RAD51B: variants seen among roughly 807,000 people sequenced by gnomAD.
The protein encoded by RAD51B is RAD51 paralog B, also known as DNA repair protein RAD51 homolog 2.
In RAD51B, 38 loss-of-function variants were observed where a neutral mutation model predicts 42.2. The ratio of observed to expected loss-of-function variants is 0.90; its 90% CI spans 0.70 to 1.18. The LOEUF is 1.18. Ranked by LOEUF, RAD51B falls within the 50% of genes most tolerant of loss-of-function variation. RAD51B has a pLI of 0.00. For missense variants in RAD51B, 373 were observed against 400.7 expected (o/e 0.93, Z 0.59); for synonymous variants, 154 against 145.2 (o/e 1.06, Z -0.43).
In RAD51B at chr14:68,678,061, G is replaced by T. The variant is rs572658257; in HGVS notation, c.*11+27205G>T. 2.0e-5 allele frequency among the ~76,000 whole-genome samples: 3 copies of T among 152,242 alleles called. No homozygotes were observed. In the South Asian group the frequency reaches 6.2e-4, roughly 32 times the overall value. On this transcript the variant is annotated intron_variant, in intron 11 of 11. Transcript: ENST00000488612. ...ACCTGCACTACAACTTTAAGAGGTG[G>T]ATATTTTTATCCACATTTTACAGAT...
intron 10 of RAD51B, among the ~76,000 whole-genome samples, chr14:68,474,407 G>C (rs78295584): frequency 0.02 from 3,015 of 152,250 alleles, 98 homozygotes; most frequent in African/African-American, 0.069. Flanking sequence ...ACTCTAGCCT[G>C]AGTGACAGAG....
chr14:67,938,879 T>C (rs760530739), intron 7 of RAD51B, among the ~76,000 whole-genome samples: 8 of 152,228 alleles, frequency 5.3e-5, no homozygotes, highest in Admixed American at 2.0e-4. Context: ...TAGTGACTTA[T>C]ACTGATTTGC....
chr14:68,182,790 G>A (rs1366533144), intron 7 of RAD51B, among the ~76,000 whole-genome samples: 5 of 152,118 alleles, frequency 3.3e-5, no homozygotes, highest in African/African-American at 9.7e-5. Context: ...GTTTCTTAGC[G>A]ATTTAAGGCG....
chr14:67,898,873 TA>T (rs930657520), intron 7 of RAD51B, among the ~76,000 whole-genome samples: 29 of 152,330 alleles, frequency 1.9e-4, no homozygotes, highest in African/African-American at 6.7e-4. Context: ...AGCTGTGGTT[TA>T]AAGGTTTTAT....
intron 7 of RAD51B, among the ~76,000 whole-genome samples, chr14:68,032,038 TGTCTG>T (rs1449323894): frequency 1.2e-3 from 101 of 84,286 alleles, no homozygotes; most frequent in African/African-American, 8.6e-3. Context: ...TCAGGCTTTG[TGTCTG>T]ATTTGACTCA....
chr14:68,301,889 G>A (rs981238526), intron 8 of RAD51B, among the ~76,000 whole-genome samples: 12 of 152,258 alleles, frequency 7.9e-5, no homozygotes, highest in Admixed American at 1.3e-4. Flanking sequence ...GAACCACTGC[G>A]CTTGGCCAGA....
chr14:68,090,691 AT>A lies in RAD51B; in HGVS notation c.757-201190del, dbSNP rs545525861. 7.6e-3 allele frequency among the ~76,000 whole-genome samples: 1,145 copies of A among 149,782 alleles called. 7 individuals carry two copies. The highest frequency in any genetic ancestry group is 0.013 in the Non-Finnish European group (853 of 67,484). The stretch of plus-strand genomic sequence containing the variant: ...CTGTATGATTTTATTTATTTTATTT[AT>A]TTATTTATTATTATTATTATTATTA... On this transcript the variant is annotated intron_variant, in intron 7 of 10. Transcript: ENST00000471583.
chr14:68,165,396 A>C (rs543287177), intron 7 of RAD51B, among the ~76,000 whole-genome samples: 1 of 152,288 alleles, frequency 6.6e-6, no homozygotes, highest in South Asian at 2.1e-4. Flanking sequence ...CCAGACAGAG[A>C]TAATGGCCAT....
chr14:68,519,728 G>A (rs888628619), intron 10 of RAD51B, among the ~76,000 whole-genome samples: 1 of 152,198 alleles, frequency 6.6e-6, no homozygotes, highest in Non-Finnish European at 1.5e-5. Context: ...GACCAGTGGA[G>A]CCCAGGGAAA....
At chr14:67,886,874 A>C (rs985735879) in intron 6 of RAD51B, 147 bp from the exon 7 acceptor site, 2 of 523,904 alleles carry the variant, frequency 3.8e-6, no homozygotes, top group African/African-American at 3.9e-5. Flanking sequence ...TATGTCTACA[A>C]GTTAGGTTTA....
At chr14:67,826,890 C>T (rs2087639620) in intron 3 of RAD51B, among the ~76,000 whole-genome samples, 1 of 152,088 alleles carries the variant, frequency 6.6e-6, no homozygotes, top group Non-Finnish European at 1.5e-5. Context: ...GCCACATAGC[C>T]TAGACTGTTC....
rs558018155 is a variant in RAD51B, at chr14:68,381,569, G to T, written c.854-29855G>T. 1.3e-4 allele frequency among the ~76,000 whole-genome samples: 20 copies of T among 152,186 alleles called. 1 individual carries two copies. In the South Asian group the frequency reaches 4.2e-3, roughly 32 times the overall value. On this transcript the variant is annotated intron_variant, in intron 8 of 10. Coordinates refer to ENST00000471583, the MANE Select transcript of RAD51B (RefSeq NM_133510.4). ...CGGGCGCCTTTAGTCCCAGCTACTC[G>T]GGAGGCTGAGGCAGGAGAATGGCGT...
At chr14:67,831,905 T>C (rs2041064339) in intron 3 of RAD51B, among the ~76,000 whole-genome samples, 1 of 152,118 alleles carries the variant, frequency 6.6e-6, no homozygotes, top group Non-Finnish European at 1.5e-5. Flanking sequence ...AAATTGTAAG[T>C]GAAGTGCTTT....
chr14:67,843,862 G>A (rs1443376772), intron 4 of RAD51B, among the ~76,000 whole-genome samples: 2 of 150,080 alleles, frequency 1.3e-5, no homozygotes, highest in Non-Finnish European at 3.0e-5. Context: ...GTTCAGCTCT[G>A]ATTTTGGTTA....
chr14:68,157,727 A>T (rs1003732465), intron 7 of RAD51B, among the ~76,000 whole-genome samples: 2 of 152,226 alleles, frequency 1.3e-5, no homozygotes, highest in East Asian at 3.8e-4. Flanking sequence ...TGGCAATAAC[A>T]AACTATTATT....
intron 10 of RAD51B, among the ~76,000 whole-genome samples, chr14:68,617,098 A>C (rs576546329): frequency 1.3e-5 from 2 of 152,258 alleles, no homozygotes; most frequent in South Asian, 4.1e-4. Context: ...GATATGGGTC[A>C]CATTTTTCTG....
At chr14:68,065,535 A>G (rs2076636206) in intron 7 of RAD51B, among the ~76,000 whole-genome samples, 1 of 152,148 alleles carries the variant, frequency 6.6e-6, no homozygotes, top group Non-Finnish European at 1.5e-5. Flanking sequence ...CTGATTGGCC[A>G]TCGGAATGGC....
At chr14:67,955,851 A>G (rs2074536366) in intron 7 of RAD51B, among the ~76,000 whole-genome samples, 1 of 152,228 alleles carries the variant, frequency 6.6e-6, no homozygotes, top group Non-Finnish European at 1.5e-5. Context: ...GTTGGAGTAC[A>G]TGTAGAATTT....
downstream of RAD51B, among the ~76,000 whole-genome samples, chr14:68,600,645 C>G (rs1277221536): frequency 6.6e-6 from 1 of 152,192 alleles, no homozygotes; most frequent in African/African-American, 2.4e-5. Context: ...CTTTCATGGC[C>G]TGATAAAACC....
Sources: allele counts gnomAD v4.1 joint callset (sites outside exome capture counted in the v4.1 genomes callset), GRCh38; gene constraint gnomAD v4.1.1; transcripts MANE v1.5; gene names NCBI Gene and HGNC (gene_info 2026-07-23, HGNC 2026-07-21).